The following CADM2 variants were observed in gnomAD, a reference collection of about 807,000 sequenced individuals.
The protein encoded by CADM2 is immunoglobulin superfamily member 4D.
In CADM2, 12 loss-of-function variants were observed where a neutral mutation model predicts 49.8. That is an observed-to-expected ratio of 0.24 (90% CI 0.15 to 0.39). The LOEUF is 0.39. Ranked by LOEUF, CADM2 falls within the 10% of genes least tolerant of loss-of-function variation. The pLI is 1.00. For missense variants in CADM2, 378 were observed against 492.3 expected (o/e 0.77, Z 2.20); for synonymous variants, 214 against 175.4 (o/e 1.22, Z -1.74).
chr3:85,592,545 T>C (rs1412156340), intron 1 of CADM2, among the ~76,000 whole-genome samples: 1 of 151,884 alleles, frequency 6.6e-6, no homozygotes, highest in Non-Finnish European at 1.5e-5. Flanking sequence ...AATTTAACTG[T>C]TTTTCATGGT....
chr3:85,302,369 G>A (rs1304132988), intron 1 of CADM2, among the ~76,000 whole-genome samples: 3 of 152,040 alleles, frequency 2.0e-5, no homozygotes, highest in African/African-American at 7.2e-5. Context: ...GGACAATGCA[G>A]GAATCCTGAG....
intron 1 of CADM2, among the ~76,000 whole-genome samples, chr3:85,206,409 A>T (rs560860483): frequency 1.1e-4 from 17 of 149,194 alleles, no homozygotes; most frequent in Admixed American, 1.4e-4. Context: ...CCAGGTTCAC[A>T]CCATTCTCCT....
chr3:86,002,238 C>T (rs1034626736), intron 8 of CADM2, among the ~76,000 whole-genome samples: 1 of 152,112 alleles, frequency 6.6e-6, no homozygotes, highest in Non-Finnish European at 1.5e-5. Context: ...CTATACCCTT[C>T]CAGATCTTGT....
intron 1 of CADM2, among the ~76,000 whole-genome samples, chr3:85,382,633 G>A (rs796612744): frequency 3.3e-5 from 5 of 152,024 alleles, no homozygotes; most frequent in African/African-American, 1.2e-4. Context: ...TTTTCTTAGA[G>A]CATAACAATA....
At chr3:85,439,197 A>G (rs1576555218) in intron 1 of CADM2, among the ~76,000 whole-genome samples, 2 of 150,050 alleles carry the variant, frequency 1.3e-5, no homozygotes, top group South Asian at 2.1e-4. Context: ...CTTGTTGCCC[A>G]AGCTGGAGTG....
intron 2 of CADM2, among the ~76,000 whole-genome samples, chr3:85,779,845 TTA>T (rs1276278900): frequency 6.6e-6 from 1 of 152,154 alleles, no homozygotes; most frequent in Non-Finnish European, 1.5e-5. Context: ...TTTTATTTGT[TTA>T]TGTTTTTATT....
intron 8 of CADM2, among the ~76,000 whole-genome samples, chr3:86,032,835 AT>A (rs1381228192): frequency 6.6e-6 from 1 of 151,732 alleles, no homozygotes; most frequent in Non-Finnish European, 1.5e-5. Context: ...GAAATAGATA[AT>A]TTTTTTCAAA....
chr3:85,461,695 T>C (rs1437026795), intron 1 of CADM2, among the ~76,000 whole-genome samples: 1 of 152,158 alleles, frequency 6.6e-6, no homozygotes, highest in African/African-American at 2.4e-5. Context: ...TAACCTATTC[T>C]AATCCATTCT....
intron 1 of CADM2, among the ~76,000 whole-genome samples, chr3:85,157,541 C>T (rs1355859278): frequency 6.6e-6 from 1 of 152,064 alleles, no homozygotes; most frequent in Non-Finnish European, 1.5e-5. Flanking sequence ...TGCCGCATAT[C>T]TACAACTATC....
intron 1 of CADM2, 92 bp downstream of exon 1, chr3:84,959,760 C>A: frequency 1.6e-6 from 2 of 1,226,166 alleles, no homozygotes; most frequent in Non-Finnish European, 2.3e-6. Context: ...CCCTCCCAGT[C>A]TCCCTGTCCC....
chr3:85,059,366 TAAGTA>T (rs1029379420), intron 1 of CADM2, among the ~76,000 whole-genome samples: 26 of 151,940 alleles, frequency 1.7e-4, no homozygotes, highest in African/African-American at 6.3e-4. Flanking sequence ...CGAATTCATC[TAAGTA>T]AAGGAAGTGA....
At chr3:85,975,637 G>A (rs970705344) in intron 8 of CADM2, among the ~76,000 whole-genome samples, 4 of 151,256 alleles carry the variant, frequency 2.6e-5, no homozygotes, top group Admixed American at 6.6e-5. Context: ...TATATAATAC[G>A]ACACAATTAA....
intron 1 of CADM2, among the ~76,000 whole-genome samples, chr3:85,613,492 C>T (rs1469255996): frequency 6.6e-6 from 1 of 151,594 alleles, no homozygotes; most frequent in African/African-American, 2.4e-5. Context: ...AAAGGACTGT[C>T]AGGTTAATAG....
chr3:85,573,868 C>T (rs944603890), intron 1 of CADM2, among the ~76,000 whole-genome samples: 3 of 152,136 alleles, frequency 2.0e-5, no homozygotes, highest in Admixed American at 2.0e-4. Context: ...GAGACCAATC[C>T]TCACCATCCT....
intron 1 of CADM2, among the ~76,000 whole-genome samples, chr3:85,590,450 A>T (rs1480517999): frequency 2.0e-5 from 3 of 152,022 alleles, no homozygotes; most frequent in Non-Finnish European, 4.4e-5. Context: ...GGACAGGTAA[A>T]TGCACTAGAA....
At position 86,050,854 on chromosome 3, in the gene CADM2, G is replaced by A. The variant is rs187384633; in HGVS notation, c.971-14751G>A. Among the ~76,000 whole-genome samples, 344 of 152,284 alleles carry A rather than the reference G, an allele frequency of 2.3e-3. 1 individual carries two copies. The highest frequency in any genetic ancestry group is 7.6e-3 in the African/African-American group (317 of 41,576). ...CCTGGCCCAGAGACCTAGGAGGACA[G>A]AACGAAACCACCTGTCATGGAGGGC... On this transcript the variant is annotated intron_variant, in intron 8 of 9. Transcript: ENST00000383699.
intron 8 of CADM2, among the ~76,000 whole-genome samples, chr3:86,037,508 T>C (rs1735314381): frequency 6.6e-6 from 1 of 152,108 alleles, no homozygotes; most frequent in African/African-American, 2.4e-5. Flanking sequence ...CACATTTTCT[T>C]GGGAAAAAGT....
At chr3:85,786,643 A>G (rs775080834) in intron 2 of CADM2, among the ~76,000 whole-genome samples, 5 of 152,076 alleles carry the variant, frequency 3.3e-5, no homozygotes, top group Non-Finnish European at 7.4e-5. Context: ...ATATTGATCA[A>G]CACTTAAATA....
At chr3:85,035,003 A>G (rs1472921091) in intron 1 of CADM2, among the ~76,000 whole-genome samples, 2 of 151,638 alleles carry the variant, frequency 1.3e-5, no homozygotes, top group Non-Finnish European at 2.9e-5. Context: ...GAGTTTCATC[A>G]TGTTGGCCAG....
Sources: gnomAD v4.1 joint callset for allele counts (sites outside exome capture counted in the v4.1 genomes callset) on GRCh38, gnomAD v4.1.1 for gene constraint, MANE v1.5 for transcripts, NCBI Gene and HGNC (gene_info 2026-07-23, HGNC 2026-07-21) for gene names.